Variants in DLG2 observed in about 807,000 individuals in gnomAD.
DLG2 encodes the protein disks large homolog 2.
Under a neutral mutation model 132.5 loss-of-function variants are expected in DLG2, and 45 were observed. The observed-to-expected ratio is 0.34, with a 90% CI of 0.27 to 0.44. DLG2 has a LOEUF of 0.44. Ranked by LOEUF, DLG2 falls within the 20% of genes least tolerant of loss-of-function variation. The pLI, the probability that DLG2 is intolerant of heterozygous loss-of-function variation, is 1.00. For synonymous variants in DLG2, 424 were observed against 419.6 expected (o/e 1.01, Z -0.13); for missense variants, 1,045 against 1,196.9 (o/e 0.87, Z 1.87).
At chr11:85,536,853 T>C (rs1166987843) in intron 3 of DLG2, among the ~76,000 whole-genome samples, 1 of 152,214 alleles carries the variant, frequency 6.6e-6, no homozygotes, top group Non-Finnish European at 1.5e-5. Flanking sequence ...CTTGATTGTC[T>C]GGGACGAGCT....
chr11:83,759,389 G>A (rs2093798525), intron 18 of DLG2, among the ~76,000 whole-genome samples: 1 of 152,144 alleles, frequency 6.6e-6, no homozygotes, highest in Admixed American at 6.5e-5. Context: ...GAATAGCAAG[G>A]GAACAGCCGT....
chr11:84,134,815 G>A (rs761396757), intron 9 of DLG2, among the ~76,000 whole-genome samples: 14 of 151,578 alleles, frequency 9.2e-5, no homozygotes, highest in African/African-American at 1.7e-4. Context: ...CTTCTACAAC[G>A]GAAACACCTG....
At chr11:85,110,072 A>T (rs902011544) in intron 6 of DLG2, among the ~76,000 whole-genome samples, 7 of 152,104 alleles carry the variant, frequency 4.6e-5, no homozygotes, top group African/African-American at 1.7e-4. Flanking sequence ...TAGGACCCCA[A>T]GGAGCACATT....
intron 7 of DLG2, among the ~76,000 whole-genome samples, chr11:84,292,851 G>A (rs1451302509): frequency 6.6e-6 from 1 of 152,052 alleles, no homozygotes; most frequent in African/African-American, 2.4e-5. Context: ...CACATTGGAA[G>A]AAGAAGAATT....
At chr11:85,439,168 A>G (rs891781775) in intron 3 of DLG2, among the ~76,000 whole-genome samples, 6 of 152,152 alleles carry the variant, frequency 3.9e-5, no homozygotes, top group Admixed American at 6.5e-5. Context: ...TTGTGTGACC[A>G]TATGGTAATT....
chr11:84,581,951 A>G (rs2099517625), intron 6 of DLG2, among the ~76,000 whole-genome samples: 1 of 151,544 alleles, frequency 6.6e-6, no homozygotes, highest in African/African-American at 2.4e-5. Context: ...GAAAAAAGGG[A>G]AAACTGTTTT....
chr11:84,313,029 C>T (rs1231181132), intron 7 of DLG2, among the ~76,000 whole-genome samples: 3 of 152,024 alleles, frequency 2.0e-5, no homozygotes, highest in Non-Finnish European at 2.9e-5. Flanking sequence ...CCAAGATGGT[C>T]TCAATCTCTT....
chr11:85,499,172 T>G (rs1015244912), intron 3 of DLG2, among the ~76,000 whole-genome samples: 2 of 151,714 alleles, frequency 1.3e-5, no homozygotes, highest in Admixed American at 6.6e-5. Flanking sequence ...CTGGTTTTTT[T>G]AAAAGATAAA....
chr11:85,415,756 T>C (rs1172621543), intron 3 of DLG2, among the ~76,000 whole-genome samples: 14 of 152,144 alleles, frequency 9.2e-5, no homozygotes, highest in Admixed American at 9.2e-4. Context: ...TATTAGCCCT[T>C]TGTCAGATGG....
At chr11:84,605,399 A>G (rs1294462260) in intron 6 of DLG2, among the ~76,000 whole-genome samples, 4 of 152,076 alleles carry the variant, frequency 2.6e-5, no homozygotes, top group Non-Finnish European at 4.4e-5. Context: ...CACAATTTAC[A>G]TCAATGATAA....
intron 18 of DLG2, among the ~76,000 whole-genome samples, chr11:83,680,938 G>T (rs1424897329): frequency 2.0e-5 from 3 of 152,060 alleles, no homozygotes; most frequent in African/African-American, 7.2e-5. Flanking sequence ...TTTCTTTGAG[G>T]TTAAAGAGGA....
intron 6 of DLG2, among the ~76,000 whole-genome samples, chr11:84,537,553 G>A (rs892695130): frequency 6.6e-6 from 1 of 151,956 alleles, no homozygotes; most frequent in Admixed American, 6.6e-5. Flanking sequence ...TTAAGTATAC[G>A]GTTCAGTAGT....
chr11:84,373,860 A>G (rs1337471267), intron 7 of DLG2, among the ~76,000 whole-genome samples: 1 of 152,184 alleles, frequency 6.6e-6, no homozygotes, highest in Non-Finnish European at 1.5e-5. Flanking sequence ...AATAATGAAG[A>G]TCAAAGGTAA....
At chr11:84,605,670 T>A (rs1260521903) in intron 6 of DLG2, among the ~76,000 whole-genome samples, 2 of 151,748 alleles carry the variant, frequency 1.3e-5, no homozygotes, top group African/African-American at 4.8e-5. Context: ...TACCATGTAA[T>A]CCTCTGCAAA....
chr11:84,196,938 G>A (rs2096526766), intron 8 of DLG2, among the ~76,000 whole-genome samples: 1 of 150,206 alleles, frequency 6.7e-6, no homozygotes, highest in Non-Finnish European at 1.5e-5. Flanking sequence ...AAGGGAGGCT[G>A]AGGCAAGAGA....
intron 11 of DLG2, among the ~76,000 whole-genome samples, chr11:84,003,468 G>C (rs1171950461): frequency 1.6e-4 from 24 of 152,078 alleles, no homozygotes. Context: ...AAGTTTAATT[G>C]ACTCACAATT....
intron 7 of DLG2, among the ~76,000 whole-genome samples, chr11:84,302,227 TAA>T (rs1220076340): frequency 3.3e-5 from 5 of 151,980 alleles, no homozygotes; most frequent in Non-Finnish European, 7.4e-5. Flanking sequence ...GGGATAGCAT[TAA>T]GAGAAATACC....
intron 21 of DLG2, among the ~76,000 whole-genome samples, chr11:83,527,110 T>C (rs1194627509): frequency 2.0e-5 from 3 of 152,202 alleles, no homozygotes; most frequent in South Asian, 2.1e-4. Flanking sequence ...AGAAAGTGTG[T>C]ATATCTGAGC....
In DLG2 at chr11:85,291,182, G is replaced by T. The variant is rs140788094; in HGVS notation, c.41-5817C>A. ...CTTCAAATATAAGTAATGGAAAAAA[G>T]GATTTTTTACATGACTTAAGAAAAT... On this transcript the variant is annotated intron_variant, in intron 3 of 27. Coordinates refer to ENST00000376104, the MANE Select transcript of DLG2 (RefSeq NM_001142699.3). 5.3e-3 allele frequency among the ~76,000 whole-genome samples: 811 copies of T among 152,084 alleles called. 6 individuals are homozygous for T. Among genetic ancestry groups the T allele is most frequent in the African/African-American group, 0.018 (751 of 41,498 alleles).
Sources: allele counts gnomAD v4.1 joint callset (sites outside exome capture counted in the v4.1 genomes callset), GRCh38; gene constraint gnomAD v4.1.1; transcripts MANE v1.5; gene names NCBI Gene and HGNC (gene_info 2026-07-23, HGNC 2026-07-21).